Variants in NXPE2 observed in about 807,000 individuals in gnomAD.
NXPE2 encodes the protein NXPE family member 2.
A neutral mutation model predicts 34.4 loss-of-function variants in NXPE2; 34 were observed. The observed-to-expected ratio is 0.99, with a 90% confidence interval of 0.75 to 1.31. NXPE2 has a LOEUF of 1.31. Among genes scored for constraint, NXPE2 ranks in the 40% most tolerant of loss-of-function variants. The pLI, the probability that NXPE2 is intolerant of heterozygous loss-of-function variation, is 0.00. For missense variants in NXPE2, 649 were observed against 672.5 expected (o/e 0.97, Z 0.39); for synonymous variants, 235 against 231.3 (o/e 1.02, Z -0.15).
At chr11:114,522,427 C>A in the NXPE2 span, 5 of 1,613,924 alleles carry the variant, frequency 3.1e-6, no homozygotes, top group East Asian at 8.9e-5. Context: ...TCCATTGAAT[C>A]TGAGTGTGTC....
At chr11:114,502,394 T>A in the NXPE2 span, among the ~76,000 whole-genome samples, 1 of 152,210 alleles carries the variant, frequency 6.6e-6, no homozygotes, top group South Asian at 2.1e-4. Flanking sequence ...TCCATCCTCT[T>A]TGCACTATAT....
the NXPE2 span, among the ~76,000 whole-genome samples, chr11:114,469,469 T>A: frequency 6.6e-6 from 1 of 152,122 alleles, no homozygotes; most frequent in African/African-American, 2.4e-5. Flanking sequence ...TACAATAAAC[T>A]GCACAAATTT....
At chr11:114,516,577 T>G in the NXPE2 span, among the ~76,000 whole-genome samples, 2 of 152,104 alleles carry the variant, frequency 1.3e-5, no homozygotes, top group Non-Finnish European at 2.9e-5. Flanking sequence ...AGCCTTATTA[T>G]TATTATTATT....
the NXPE2 span, among the ~76,000 whole-genome samples, chr11:114,605,104 T>G: frequency 1.3e-5 from 2 of 151,716 alleles, no homozygotes; most frequent in African/African-American, 4.9e-5. Flanking sequence ...GGGTAACAGC[T>G]GTTACCCTGT....
the NXPE2 span, among the ~76,000 whole-genome samples, chr11:114,728,410 A>T: frequency 6.6e-6 from 1 of 152,040 alleles, no homozygotes; most frequent in Non-Finnish European, 1.5e-5. Flanking sequence ...TACTATGATT[A>T]TTTTTCATTC....
At chr11:114,484,972 G>A in the NXPE2 span, among the ~76,000 whole-genome samples, 2 of 152,082 alleles carry the variant, frequency 1.3e-5, no homozygotes, top group Non-Finnish European at 2.9e-5. Context: ...GTCCTTTTCT[G>A]CTAAATGGGA....
At chr11:114,607,556 C>G in the NXPE2 span, among the ~76,000 whole-genome samples, 1 of 152,058 alleles carries the variant, frequency 6.6e-6, no homozygotes, top group East Asian at 1.9e-4. Context: ...TAAGTATTGC[C>G]TCGTGGGTAA....
chr11:114,790,330 CT>C, the NXPE2 span, among the ~76,000 whole-genome samples: 1 of 152,156 alleles, frequency 6.6e-6, no homozygotes, highest in African/African-American at 2.4e-5. Context: ...AGTTGTCCTT[CT>C]GTAAGAAGCC....
At chr11:114,487,895 A>G in the NXPE2 span, among the ~76,000 whole-genome samples, 2 of 152,100 alleles carry the variant, frequency 1.3e-5, no homozygotes, top group Non-Finnish European at 1.5e-5. Context: ...GTGTTGTTGA[A>G]TTCAGTTTGC....
chr11:114,801,819 C>T, the NXPE2 span, among the ~76,000 whole-genome samples: 1 of 152,030 alleles, frequency 6.6e-6, no homozygotes, highest in East Asian at 1.9e-4. Context: ...GTACTATTTA[C>T]TGAGATGGGA....
At chr11:114,569,770 A>G in the NXPE2 span, among the ~76,000 whole-genome samples, 2 of 152,160 alleles carry the variant, frequency 1.3e-5, no homozygotes, top group Non-Finnish European at 1.5e-5. Context: ...AGTGAAATCA[A>G]CTATAAGCTA....
chr11:114,481,423 ATAAAT>A, the NXPE2 span, among the ~76,000 whole-genome samples: 10 of 152,214 alleles, frequency 6.6e-5, no homozygotes, highest in South Asian at 1.2e-3. Flanking sequence ...ACTATCTCAG[ATAAAT>A]TAAAATGGCA....
At chr11:114,720,146 T>C in the NXPE2 span, among the ~76,000 whole-genome samples, 2 of 152,198 alleles carry the variant, frequency 1.3e-5, no homozygotes, top group Non-Finnish European at 2.9e-5. Context: ...TTCTGTAGTG[T>C]TCTGTTTTTA....
the NXPE2 span, among the ~76,000 whole-genome samples, chr11:114,596,826 A>G: frequency 6.6e-6 from 1 of 152,170 alleles, no homozygotes; most frequent in Non-Finnish European, 1.5e-5. Context: ...GGTCACATAG[A>G]TTTTGAAATC....
chr11:114,465,730 G>A, the NXPE2 span, among the ~76,000 whole-genome samples: 1 of 152,154 alleles, frequency 6.6e-6, no homozygotes, highest in African/African-American at 2.4e-5. Context: ...TTGGGAAGCT[G>A]AGGCAGGAGG....
the NXPE2 span, among the ~76,000 whole-genome samples, chr11:114,721,053 C>T: frequency 2.2e-4 from 33 of 152,154 alleles, no homozygotes; most frequent in Non-Finnish European, 3.1e-4. Flanking sequence ...AGGAAATCCC[C>T]TGCTCCTGCC....
At chr11:114,783,195 A>G in the NXPE2 span, among the ~76,000 whole-genome samples, 1 of 152,220 alleles carries the variant, frequency 6.6e-6, no homozygotes, top group African/African-American at 2.4e-5. Context: ...CTCCCAGCAT[A>G]GCTGCTACCA....
chr11:114,573,956 T>C, the NXPE2 span, among the ~76,000 whole-genome samples: 2 of 152,100 alleles, frequency 1.3e-5, no homozygotes, highest in Admixed American at 6.6e-5. Context: ...GAGCATATGA[T>C]AGGCCACAAA....
the NXPE2 span, among the ~76,000 whole-genome samples, chr11:114,646,923 G>A: frequency 9.2e-5 from 14 of 152,286 alleles, no homozygotes; most frequent in Admixed American, 2.0e-4. Flanking sequence ...TCACTAGAAA[G>A]TTGCCAAATA....
Sources: gnomAD v4.1 joint callset for allele counts (sites outside exome capture counted in the v4.1 genomes callset) on GRCh38, gnomAD v4.1.1 for gene constraint, MANE v1.5 for transcripts, NCBI Gene and HGNC (gene_info 2026-07-23, HGNC 2026-07-21) for gene names.